Variants in KHDC1 observed in about 807,000 individuals in gnomAD.
KHDC1 encodes KH domain containing 1.
In KHDC1, 21 loss-of-function variants were observed where a neutral mutation model predicts 24.7. That is an observed-to-expected ratio of 0.85 (90% CI 0.60 to 1.23). The LOEUF is 1.23. Among genes scored for constraint, KHDC1 ranks in the 50% most tolerant of loss-of-function variants. KHDC1 has a pLI of 0.00. For missense variants in KHDC1, 274 were observed against 298.5 expected (o/e 0.92, Z 0.61); for synonymous variants, 98 against 111.7 (o/e 0.88, Z 0.77).
At chr6:73,310,298 C>T (rs1768057541), upstream of KHDC1, 1 of 154,324 alleles carries the variant, frequency 6.5e-6, no homozygotes, top group Non-Finnish European at 1.4e-5. Context: ...CTTTAGACGA[C>T]TTTTTACCGT....
chr6:73,272,959 A>G (rs1767210723), intron 2 of KHDC1, among the ~76,000 whole-genome samples: 2 of 147,504 alleles, frequency 1.4e-5, no homozygotes, highest in African/African-American at 5.1e-5. Context: ...CCCAGGTTCA[A>G]GTGATTCTCC....
At chr6:73,252,110 A>G (rs1036459937) in intron 2 of KHDC1, among the ~76,000 whole-genome samples, 3 of 149,200 alleles carry the variant, frequency 2.0e-5, no homozygotes, top group Non-Finnish European at 4.4e-5. Context: ...TGGTGCAATC[A>G]GGGCTCACTG....
At chr6:73,289,896 C>T (rs1044160508) in intron 2 of KHDC1, among the ~76,000 whole-genome samples, 4 of 151,354 alleles carry the variant, frequency 2.6e-5, no homozygotes, top group Admixed American at 2.0e-4. Flanking sequence ...GTCAGGAGAT[C>T]GAGACCATCC....
chr6:73,292,360 A>G (rs1767671431), intron 1 of KHDC1: 2 of 810,518 alleles, frequency 2.5e-6, no homozygotes, highest in Non-Finnish European at 4.5e-6. Flanking sequence ...CATTCTACAC[A>G]TATGCAAAAT....
At chr6:73,271,750 C>T (rs1216567482) in intron 2 of KHDC1, among the ~76,000 whole-genome samples, 4 of 151,392 alleles carry the variant, frequency 2.6e-5, no homozygotes, top group African/African-American at 7.3e-5. Context: ...AAGAATTAGC[C>T]AGGCATGGCC....
At chr6:73,305,030 G>A (rs1767936406) in intron 1 of KHDC1, among the ~76,000 whole-genome samples, 1 of 152,018 alleles carries the variant, frequency 6.6e-6, no homozygotes, top group Non-Finnish European at 1.5e-5. Flanking sequence ...CTGAGGTCAG[G>A]GGTTCAAGAC....
intron 1 of KHDC1, among the ~76,000 whole-genome samples, chr6:73,296,849 A>T (rs71573590): frequency 0.069 from 10,538 of 152,168 alleles, 390 homozygotes; most frequent in East Asian, 0.13. Flanking sequence ...TCTCTCAGTT[A>T]ATTATATCTT....
chr6:73,276,834 T>TA (rs1472665132), intron 2 of KHDC1, among the ~76,000 whole-genome samples: 2 of 152,238 alleles, frequency 1.3e-5, no homozygotes, highest in Non-Finnish European at 2.9e-5. Flanking sequence ...AAGTCACTTT[T>TA]AGAGACTTGT....
intron 2 of KHDC1, among the ~76,000 whole-genome samples, chr6:73,253,994 A>T (rs1326337453): frequency 6.6e-6 from 1 of 152,176 alleles, no homozygotes; most frequent in African/African-American, 2.4e-5. Context: ...ATAAAAATTC[A>T]CTTGAACTAT....
At chr6:73,244,728 T>C (rs1316745254) in intron 2 of KHDC1, among the ~76,000 whole-genome samples, 1 of 151,242 alleles carries the variant, frequency 6.6e-6, no homozygotes, top group Non-Finnish European at 1.5e-5. Flanking sequence ...AAGCCAAGAT[T>C]TTGAGACCAG....
At chr6:73,290,675 T>TTGC (rs1177163113) in intron 2 of KHDC1, 2 of 468,012 alleles carry the variant, frequency 4.3e-6, no homozygotes, top group Non-Finnish European at 8.4e-6. Context: ...GTGCTGAAGT[T>TTGC]TGCTGCTGCT....
Position 73,242,390 on chromosome 6 carries a change from G to C in KHDC1, c.331+16C>G. The C allele has an allele frequency of 6.2e-7, 1 of 1,613,332 alleles. No homozygotes were observed. Among genetic ancestry groups the C allele is most frequent in the Non-Finnish European group, 8.5e-7 (1 of 1,179,674 alleles). On this transcript the variant is annotated intron_variant, in intron 3 of 4. Coordinates refer to ENST00000370384, the Ensembl canonical transcript of KHDC1. ...AGACAAGGATGAAGAAGGGGACGTGGGCAAAGGCCACTCACCGAAGATGAG... is the reference window on the plus strand; with the variant it reads ...AGACAAGGATGAAGAAGGGGACGTGCGCAAAGGCCACTCACCGAAGATGAG...
At chr6:73,244,715 C>T (rs1056207882) in intron 2 of KHDC1, among the ~76,000 whole-genome samples, 31 of 150,640 alleles carry the variant, frequency 2.1e-4, no homozygotes, top group African/African-American at 7.1e-4. Context: ...GGGGGGGCTC[C>T]GTAAGCCAAG....
chr6:73,306,710 T>A (rs1767970617), intron 1 of KHDC1, among the ~76,000 whole-genome samples: 1 of 151,976 alleles, frequency 6.6e-6, no homozygotes. Flanking sequence ...TGAAGACTAT[T>A]TAGAAAATTT....
chr6:73,295,162 A>G (rs1205476229), intron 1 of KHDC1, among the ~76,000 whole-genome samples: 1 of 152,000 alleles, frequency 6.6e-6, no homozygotes, highest in African/African-American at 2.4e-5. Flanking sequence ...CAAAACAACC[A>G]CAATAACAAA....
At chr6:73,271,899 AAAAAT>A (rs1326486482) in intron 2 of KHDC1, among the ~76,000 whole-genome samples, 2 of 150,464 alleles carry the variant, frequency 1.3e-5, no homozygotes, top group Non-Finnish European at 3.0e-5. Flanking sequence ...CATCTCAAAA[AAAAAT>A]AAGAAGACTG....
chr6:73,276,640 C>T (rs1332518186), intron 2 of KHDC1: 3 of 152,166 alleles, frequency 2.0e-5, no homozygotes, highest in Non-Finnish European at 4.4e-5. Context: ...TCACTCCAAC[C>T]TGGGGTCAGA....
At chr6:73,309,927 G>C in exon 1 of KHDC1, 1 of 527,080 alleles carries the variant, frequency 1.9e-6, no homozygotes, top group Non-Finnish European at 3.3e-6. Flanking sequence ...CGAGAAGTGG[G>C]CACGGGACCA....
chr6:73,294,508 C>G (rs1767724355), intron 1 of KHDC1, among the ~76,000 whole-genome samples: 1 of 152,090 alleles, frequency 6.6e-6, no homozygotes, highest in Non-Finnish European at 1.5e-5. Context: ...ATGGAGAGGA[C>G]ATCTATTTAT....
Sources: allele counts gnomAD v4.1 joint callset (sites outside exome capture counted in the v4.1 genomes callset), GRCh38; gene constraint gnomAD v4.1.1; transcripts MANE v1.5; gene names NCBI Gene and HGNC (gene_info 2026-07-23, HGNC 2026-07-21).